The following ANO2 variants were observed in gnomAD, a reference collection of about 807,000 sequenced individuals.
The protein encoded by ANO2 is anoctamin 2, also known as anoctamin-2.
ANO2 carries 101 observed loss-of-function variants against 124.2 expected under a neutral mutation model. That is an observed-to-expected ratio of 0.81 (90% CI 0.69 to 0.96). ANO2 has a LOEUF of 0.96. Among genes scored for constraint, ANO2 ranks in the 40% least tolerant of loss-of-function variants. The probability of loss-of-function intolerance (pLI) is 0.00; values close to 1 mark genes in which losing one functional copy is unlikely to be tolerated. For missense variants in ANO2, 1,293 were observed against 1,274.5 expected, an observed-to-expected ratio of 1.01 and a Z score of -0.22; for synonymous variants, 486 against 482.5, an observed-to-expected ratio of 1.01 and a Z score of -0.09.
chr12:5,927,981 G>C (rs1253297087), intron 1 of ANO2, among the ~76,000 whole-genome samples: 1 of 152,194 alleles, frequency 6.6e-6, no homozygotes, highest in African/African-American at 2.4e-5. Flanking sequence ...GTAGCTGACA[G>C]GGGAAACACC....
At chr12:5,913,975 G>A (rs1398049735) in intron 3 of ANO2, among the ~76,000 whole-genome samples, 1 of 152,124 alleles carries the variant, frequency 6.6e-6, no homozygotes, top group African/African-American at 2.4e-5. Flanking sequence ...GCCGAGACAG[G>A]CGGATCACAC....
Position 5,843,419 on chromosome 12 carries a change from G to A in ANO2, c.633+10624C>T, listed in dbSNP as rs183575566. 7.6e-4 allele frequency among the ~76,000 whole-genome samples: 116 copies of A among 152,088 alleles called. 1 individual carries two copies. Among genetic ancestry groups the A allele is most frequent in the African/African-American group, 2.7e-3 (110 of 41,488 alleles). On this transcript the variant is annotated intron_variant, in intron 4 of 24. Coordinates refer to ENST00000682330, the MANE Select transcript of ANO2 (RefSeq NM_001364791.2). ...ACAAAAATGAGCCAGGCATAGTGGC[G>A]CACACCTATAATCCCAGCTACTTGG...
At chr12:5,659,531 C>T (rs1248802387) in intron 14 of ANO2, among the ~76,000 whole-genome samples, 1 of 152,226 alleles carries the variant, frequency 6.6e-6, no homozygotes, top group Non-Finnish European at 1.5e-5. Flanking sequence ...GGCAAAAGGG[C>T]ATAAGGCAGT....
intron 15 of ANO2, among the ~76,000 whole-genome samples, chr12:5,640,168 C>A (rs1020762832): frequency 6.6e-6 from 1 of 152,144 alleles, no homozygotes; most frequent in Non-Finnish European, 1.5e-5. Flanking sequence ...TCTCATCACC[C>A]CATGAAAAGC....
chr12:5,930,658 T>C (rs1196269649), intron 1 of ANO2, among the ~76,000 whole-genome samples: 1 of 152,062 alleles, frequency 6.6e-6, no homozygotes, highest in African/African-American at 2.4e-5. Flanking sequence ...AGAATCAACA[T>C]TTACACCCAG....
chr12:5,888,188 G>A (rs1939090512), intron 3 of ANO2, among the ~76,000 whole-genome samples: 1 of 151,982 alleles, frequency 6.6e-6, no homozygotes, highest in South Asian at 2.1e-4. Context: ...GCAGACCTTC[G>A]CGGTGAGTGT....
chr12:5,768,586 C>A (rs141290651), intron 10 of ANO2, among the ~76,000 whole-genome samples: 1 of 152,186 alleles, frequency 6.6e-6, no homozygotes, highest in African/African-American at 2.4e-5. Flanking sequence ...CAGACGTGCA[C>A]GGAGGACTCA....
rs180695135 is a variant in ANO2, at chr12:5,820,514, T to C, written c.892+7255A>G. Among the ~76,000 whole-genome samples, 885 of 152,306 alleles carry C rather than the reference T, an allele frequency of 5.8e-3. 5 individuals carry two copies. Among genetic ancestry groups the C allele is most frequent in the Non-Finnish European group, 8.3e-3 (563 of 68,014 alleles). ...CCAGTGCCAGAATGCATAATTAGCA[T>C]AGACATACTTAGCAGCTGGCAGAAC... On this transcript the variant is annotated intron_variant, in intron 7 of 24. Transcript: ENST00000682330.
intron 7 of ANO2, among the ~76,000 whole-genome samples, chr12:5,813,661 C>G (rs1399210152): frequency 6.6e-6 from 1 of 152,164 alleles, no homozygotes; most frequent in Admixed American, 6.5e-5. Flanking sequence ...ACAATTGTCT[C>G]CTCTCAACCT....
intron 12 of ANO2, chr12:5,740,213 G>GA: frequency 6.4e-6 from 2 of 311,438 alleles, no homozygotes; most frequent in South Asian, 5.5e-5. Flanking sequence ...TCCCTCCTTT[G>GA]AAAACTGAAA....
intron 3 of ANO2, among the ~76,000 whole-genome samples, chr12:5,872,754 C>T (rs924128353): frequency 3.3e-5 from 5 of 152,110 alleles, no homozygotes; most frequent in Admixed American, 6.5e-5. Context: ...GATATGCCCA[C>T]GGTTCCGGGA....
At chr12:5,940,062 A>AATGGATGGATGGATGG (rs200562212) in intron 1 of ANO2, among the ~76,000 whole-genome samples, 1 of 151,486 alleles carries the variant, frequency 6.6e-6, no homozygotes, top group Non-Finnish European at 1.5e-5. Context: ...TTTTTAAATC[A>AATGGATGGATGGATGG]ATGGATGGAT....
At chr12:5,731,698 G>GT (rs1458652058) in intron 14 of ANO2, among the ~76,000 whole-genome samples, 2 of 151,922 alleles carry the variant, frequency 1.3e-5, no homozygotes, top group Admixed American at 1.3e-4. Context: ...CATACTCTGA[G>GT]TTTTTTTACG....
intron 4 of ANO2, among the ~76,000 whole-genome samples, chr12:5,842,363 A>T (rs1291579671): frequency 6.6e-6 from 1 of 152,096 alleles, no homozygotes; most frequent in Non-Finnish European, 1.5e-5. Context: ...TTTCCACAGG[A>T]TCTCTTACAC....
intron 10 of ANO2, among the ~76,000 whole-genome samples, chr12:5,768,278 CCTT>C (rs1441878362): frequency 6.6e-6 from 1 of 152,200 alleles, no homozygotes; most frequent in South Asian, 2.1e-4. Flanking sequence ...CTCTTCCTCT[CCTT>C]CTGAGGATCT....
At chr12:5,717,550 C>T (rs1452240882) in intron 14 of ANO2, among the ~76,000 whole-genome samples, 5 of 152,180 alleles carry the variant, frequency 3.3e-5, no homozygotes, top group Non-Finnish European at 7.3e-5. Flanking sequence ...CTGTAAGATA[C>T]GTAAGTAACT....
At chr12:5,922,591 CCCCCA>C in intron 2 of ANO2, 24 bp downstream of exon 2, 7 of 1,447,234 alleles carry the variant, frequency 4.8e-6, no homozygotes, top group Non-Finnish European at 6.5e-6. Context: ...CTGGCCTATC[CCCCCA>C]CCCCACCCCC....
At chr12:5,945,675 G>A (rs1943072903), upstream of ANO2, among the ~76,000 whole-genome samples, 1 of 152,268 alleles carries the variant, frequency 6.6e-6, no homozygotes, top group Non-Finnish European at 1.5e-5. Context: ...CACTGCCCAA[G>A]AGTTAGCCCT....
intron 8 of ANO2, among the ~76,000 whole-genome samples, chr12:5,806,877 T>C (rs1953212418): frequency 6.6e-6 from 1 of 152,188 alleles, no homozygotes; most frequent in South Asian, 2.1e-4. Context: ...AACTCTCCCA[T>C]ACAAAATATC....
Sources: gnomAD v4.1 joint callset for allele counts (sites outside exome capture counted in the v4.1 genomes callset) on GRCh38, gnomAD v4.1.1 for gene constraint, MANE v1.5 for transcripts, NCBI Gene and HGNC (gene_info 2026-07-23, HGNC 2026-07-21) for gene names.